Variants in GNPDA2 observed in about 807,000 individuals in gnomAD.
GNPDA2 encodes the protein glucosamine-6-phosphate deaminase 2, also known as glcN6P deaminase 2.
A neutral mutation model predicts 27.0 loss-of-function variants in GNPDA2; 24 were observed. That is an observed-to-expected ratio of 0.89 (90% CI 0.64 to 1.25). The LOEUF (loss-of-function observed/expected upper bound fraction) is 1.25. Among genes scored for constraint, GNPDA2 ranks in the 50% most tolerant of loss-of-function variants. GNPDA2 has a pLI of 0.00. For synonymous variants in GNPDA2, 94 were observed against 108.4 expected (o/e 0.87, Z 0.83); for missense variants, 286 against 335.1 (o/e 0.85, Z 1.14).
intron 6 of GNPDA2, chr4:44,706,813 T>C (rs2109694076): frequency 6.6e-6 from 1 of 152,122 alleles, no homozygotes; most frequent in African/African-American, 2.4e-5. Context: ...CTTTGATTTA[T>C]TCAGTGTATT....
intron 4 of GNPDA2, among the ~76,000 whole-genome samples, chr4:44,716,505 CTG>C (rs1011767500): frequency 1.5e-5 from 1 of 66,370 alleles, no homozygotes; most frequent in African/African-American, 5.3e-5. Flanking sequence ...TTATTTTTAA[CTG>C]TAGATTATAT....
chr4:44,705,242 T>C (rs983348538), intron 6 of GNPDA2: 1 of 980,674 alleles, frequency 1.0e-6, no homozygotes, highest in Admixed American at 6.2e-5. Context: ...AGTAACTCAA[T>C]GGAGGTATGA....
intron 2 of GNPDA2, among the ~76,000 whole-genome samples, chr4:44,721,629 TTATATAA>T (rs71648801): frequency 0.22 from 32,989 of 151,500 alleles, 3,703 homozygotes; most frequent in Middle Eastern, 0.36. Context: ...CTAATAAACA[TTATATAA>T]TATATAATTT....
intron 3 of GNPDA2, among the ~76,000 whole-genome samples, chr4:44,717,891 G>C (rs924879439): frequency 6.6e-6 from 1 of 151,800 alleles, no homozygotes; most frequent in Non-Finnish European, 1.5e-5. Flanking sequence ...AAAAGCTCCA[G>C]GGCTACCAAT....
At chr4:44,726,258 CTCCCGTAGGCACAAA>C (rs1560366920) in intron 1 of GNPDA2, among the ~76,000 whole-genome samples, 1 of 152,132 alleles carries the variant, frequency 6.6e-6, no homozygotes, top group Non-Finnish European at 1.5e-5. Context: ...GGGACGCCTT[CTCCCGTAGGCACAAA>C]TCCGGAGAGG....
chr4:44,708,579 C>T (rs919338271), intron 5 of GNPDA2, among the ~76,000 whole-genome samples: 7 of 151,996 alleles, frequency 4.6e-5, no homozygotes, highest in African/African-American at 1.7e-4. Context: ...GCTCTTGGTC[C>T]CCAGGCCCTA....
rs764201855 is a variant in GNPDA2 at position 44,722,066 on chromosome 4, G to C, written c.124+18C>G. 2.5e-6 allele frequency: 4 copies of C among 1,569,790 alleles called. No homozygotes were observed. In the East Asian group the frequency reaches 9.0e-5, roughly 35 times the overall value. ...TTAGATAATATCAGAATATAAAATG[G>C]AAAAAGTAGTTAATTACCTGTTGGT... On this transcript the variant is annotated intron_variant, in intron 2 of 6. Transcript: ENST00000295448.
In GNPDA2 at chr4:44,710,120, T is replaced by G. The variant is rs538872035; in HGVS notation, c.594+833A>C. On this transcript the variant is annotated intron_variant, in intron 5 of 6. Coordinates refer to ENST00000295448, the MANE Select transcript of GNPDA2 (RefSeq NM_138335.3). ...GCTCTAAAATCCTTTTTTCAACTTA[T>G]TGACTATGAAGTTTCAGTCCTTGAA... is the stretch of plus-strand genomic sequence containing the variant. 7.2e-5 allele frequency among the ~76,000 whole-genome samples: 11 copies of G among 152,332 alleles called. No homozygotes were observed. In the East Asian group the frequency reaches 2.1e-3, roughly 29 times the overall value.
chr4:44,703,429 AT>A, intron 6 of GNPDA2: 1 of 1,141,884 alleles, frequency 8.8e-7, no homozygotes, highest in Non-Finnish European at 1.1e-6. Flanking sequence ...GAGATTAAGC[AT>A]GACAAATTTG....
At chr4:44,717,743 T>C (rs747508792) in intron 3 of GNPDA2, among the ~76,000 whole-genome samples, 18 of 151,916 alleles carry the variant, frequency 1.2e-4, no homozygotes, top group South Asian at 2.1e-4. Flanking sequence ...ATCCTGTATG[T>C]GTGCAGATTA....
chr4:44,707,685 T>G, intron 6 of GNPDA2, 67 bp downstream of exon 6: 2 of 1,380,880 alleles, frequency 1.4e-6, no homozygotes, highest in Non-Finnish European at 1.0e-6. Flanking sequence ...AACCCCACAG[T>G]CACAGTAAGT....
chr4:44,722,783 C>T (rs1345557389), intron 1 of GNPDA2, among the ~76,000 whole-genome samples: 1 of 152,042 alleles, frequency 6.6e-6, no homozygotes. Flanking sequence ...TAGAATCAAT[C>T]CCCAACAGAT....
At chr4:44,711,826 T>TATATAG (rs1560359882) in intron 4 of GNPDA2, among the ~76,000 whole-genome samples, 1 of 118,238 alleles carries the variant, frequency 8.5e-6, no homozygotes. Context: ...TATATATATA[T>TATATAG]ATACACATAT....
chr4:44,719,633 G>A (rs1378944806), intron 2 of GNPDA2, among the ~76,000 whole-genome samples: 8 of 151,788 alleles, frequency 5.3e-5, no homozygotes, highest in South Asian at 2.1e-4. Context: ...TTCCTTTCTC[G>A]AAGGATAAGT....
At position 44,702,672 on chromosome 4, in the gene GNPDA2, G is replaced by A. The variant is rs191159696; in HGVS notation, c.*409C>T. The A allele has an allele frequency of 9.8e-7, 1 of 1,016,618 alleles. No individual in the cohort carries two copies. Among genetic ancestry groups the A allele is most frequent in the Admixed American group, 6.0e-5 (1 of 16,616 alleles). The allele number at this position is 1,016,618 out of a possible 1,614,324, so 63.0% of individuals were successfully genotyped here. On this transcript the variant is annotated 3_prime_UTR_variant, in exon 7 of 7. Transcript: ENST00000295448. The stretch of plus-strand genomic sequence containing the variant: ...AATATAAAGATTGCATTCCAAAAGT[G>A]AAGGTCTGCAATGATAGTTTGTTAT...
At chr4:44,704,289 G>A (rs915031656) in intron 6 of GNPDA2, 1 of 983,296 alleles carries the variant, frequency 1.0e-6, no homozygotes, top group African/African-American at 1.8e-5. Context: ...GGACAACAAA[G>A]ATAAGGGTAA....
chr4:44,708,271 TATAA>T (rs573689062), intron 5 of GNPDA2, among the ~76,000 whole-genome samples: 77 of 152,270 alleles, frequency 5.1e-4, no homozygotes, highest in South Asian at 1.9e-3. Context: ...GTTACAAATC[TATAA>T]ATAATTTATA....
chr4:44,707,713 A>T, intron 6 of GNPDA2, 39 bp downstream of exon 6: 1 of 1,570,816 alleles, frequency 6.4e-7, no homozygotes. Flanking sequence ...GTCACTCACA[A>T]CAGATTATCT....
chr4:44,704,055 G>A (rs531716665), intron 6 of GNPDA2: 1 of 985,214 alleles, frequency 1.0e-6, no homozygotes, highest in Non-Finnish European at 1.2e-6. Flanking sequence ...GATGTTCCTT[G>A]TCAGAAAGGC....
Sources: allele counts gnomAD v4.1 joint callset (sites outside exome capture counted in the v4.1 genomes callset), GRCh38; gene constraint gnomAD v4.1.1; transcripts MANE v1.5; gene names NCBI Gene and HGNC (gene_info 2026-07-23, HGNC 2026-07-21).